The following ZBTB41 variants were observed in gnomAD, a reference collection of about 807,000 sequenced individuals.
The protein encoded by ZBTB41 is zinc finger and BTB domain-containing protein 41.
In ZBTB41, 42 loss-of-function variants were observed where a neutral mutation model predicts 87.6. The observed-to-expected ratio is 0.48, with a 90% CI of 0.37 to 0.62. ZBTB41 has a LOEUF of 0.62. ZBTB41 is among the 20% of genes least tolerant of loss of function. ZBTB41 has a pLI of 0.00. For synonymous variants in ZBTB41, 364 were observed against 364.0 expected, an observed-to-expected ratio of 1.00 and a Z score of 0.00; for missense variants, 799 against 1,078.9, an observed-to-expected ratio of 0.74 and a Z score of 3.63.
At chr1:197,160,435 G>T (rs564351908) in intron 10 of ZBTB41, among the ~76,000 whole-genome samples, 1 of 152,028 alleles carries the variant, frequency 6.6e-6, no homozygotes, top group Non-Finnish European at 1.5e-5. Flanking sequence ...CCTCAAAAAG[G>T]TTAAACCAAA....
At chr1:197,188,269 T>G (rs1203292452) in intron 5 of ZBTB41, 23 bp downstream of exon 5, 4 of 1,610,778 alleles carry the variant, frequency 2.5e-6, no homozygotes, top group Non-Finnish European at 3.4e-6. Flanking sequence ...CATGACTGCC[T>G]TAAGAAAAAG....
At position 197,198,700 on chromosome 1, in the gene ZBTB41, T is replaced by C. The variant is rs1316481641; in HGVS notation, c.1120+654A>G. Among the ~76,000 whole-genome samples the C allele has an allele frequency of 2.6e-5, 4 of 152,266 alleles. No homozygotes were observed. In the East Asian group the frequency reaches 7.7e-4, roughly 29 times the overall value. On this transcript the variant is annotated intron_variant, in intron 2 of 10. Transcript: ENST00000367405. ...AAGTGATAGACTACATTTCCTCAAATTCTTTTCTAAAAGAAAAAAAGTTGA... is the reference window on the plus strand; with the variant it reads ...AAGTGATAGACTACATTTCCTCAAACTCTTTTCTAAAAGAAAAAAAGTTGA...
intron 2 of ZBTB41, among the ~76,000 whole-genome samples, chr1:197,198,859 T>C (rs2125144050): frequency 6.6e-6 from 1 of 152,278 alleles, no homozygotes; most frequent in East Asian, 1.9e-4. Context: ...TTCATTTCAA[T>C]TTTATCCTTC....
In ZBTB41 at chr1:197,175,149, T is replaced by C. The variant is rs373502226; in HGVS notation, c.1880-34A>G. The stretch of plus-strand genomic sequence containing the variant: ...AAAGACCCAAATATTTTCATTATAA[T>C]ATACATCTCAGGTTTTTATCCCCAG... On this transcript the variant is annotated intron_variant, in intron 8 of 10. Transcript: ENST00000367405. 68 of 1,557,782 alleles carry C rather than the reference T, an allele frequency of 4.4e-5. No individual in the cohort carries two copies. In the South Asian group the frequency reaches 5.1e-4, roughly 12 times the overall value.
chr1:197,200,947 G>A (rs1037378363), intron 1 of ZBTB41, among the ~76,000 whole-genome samples: 1 of 152,190 alleles, frequency 6.6e-6, no homozygotes, highest in East Asian at 1.9e-4. Flanking sequence ...TAAGGCCGTG[G>A]CGGCCGCGAG....
In ZBTB41 at chr1:197,201,242, C is replaced by G. The variant is rs1445181085; in HGVS notation, c.-137G>C. ...CATTACCGGGAACCCAAGGCTCCCC[C>G]GCTGGCTCCCAGCAGCTGAGCTCCA... is the stretch of plus-strand genomic sequence containing the variant. On this transcript the variant is annotated 5_prime_UTR_variant, in exon 1 of 11. Coordinates refer to ENST00000367405, the MANE Select transcript of ZBTB41 (RefSeq NM_194314.3). Among the ~76,000 whole-genome samples, 1 of 152,244 alleles carries G rather than the reference C, an allele frequency of 6.6e-6. No homozygotes were observed. The highest frequency in any genetic ancestry group is 1.5e-5 in the Non-Finnish European group (1 of 68,046).
chr1:197,194,618 G>GAAAAAAA (rs71131750), intron 2 of ZBTB41, among the ~76,000 whole-genome samples: 12 of 135,622 alleles, frequency 8.8e-5, no homozygotes, highest in Non-Finnish European at 1.2e-4. Flanking sequence ...ATTTAAGCAA[G>GAAAAAAA]AAAAAAAAAA....
rs763695908 is a variant in ZBTB41 at position 197,159,825 on chromosome 1, G to C, written c.2264C>G (p.Pro755Arg). ...HVHEIKSPDDPLSTSEEKLVS... is the reference protein window; with the variant it reads ...HVHEIKSPDDRLSTSEEKLVS... ...AAGTTTTTCCTCAGAAGTACTGAGA[G>C]GATCATCAGGAGATTTTATTTCATG... Residue 755 changes from proline to arginine, a missense_variant, in exon 11 of 11, where the codon CCT becomes CGT. Around this residue, in one of 5 missense-constraint regions of ZBTB41, gnomAD observed 171 missense variants for 191.9 expected, o/e 0.89. Coordinates refer to ENST00000367405, the MANE Select transcript of ZBTB41 (RefSeq NM_194314.3). 1.7e-5 allele frequency: 28 copies of C among 1,613,878 alleles called. No individual in the cohort carries two copies. Among genetic ancestry groups the C allele is most frequent in the Non-Finnish European group, 2.3e-5 (27 of 1,179,904 alleles).
rs201676275 is a variant in ZBTB41 at position 197,159,378 on chromosome 1, G to T, written c.2711C>A (p.Thr904Lys). The T allele has an allele frequency of 6.2e-7, 1 of 1,613,518 alleles. No homozygotes were observed. The highest frequency in any genetic ancestry group is 8.5e-7 in the Non-Finnish European group (1 of 1,179,558). The change falls in exon 11 of 11, where the codon ACG (threonine) becomes AAG (lysine). Residue 904 changes from threonine to lysine, a missense_variant. By Grantham distance (78) the Thr-to-Lys change is moderately conservative. This residue lies in a region of ZBTB41 where 171 missense variants were observed against 191.9 expected (regional missense o/e 0.89). Transcript: ENST00000367405. ...DSTTGVQNIS[T>K]NEHHS ...ATTTACTCATGAATGATGCTCATTC[G>T]TAGAAATATTTTGAACACCAGTAGT...
chr1:197,191,543 G>T, intron 3 of ZBTB41, 149 bp downstream of exon 3: 1 of 535,602 alleles, frequency 1.9e-6, no homozygotes, highest in Non-Finnish European at 2.9e-6. Flanking sequence ...CAAAACCCAA[G>T]AAAGAAAACA....
rs1557971700 is a variant in ZBTB41 at position 197,156,204 on chromosome 1, C to CG, written c.*3154_*3155insC. On this transcript the variant is annotated 3_prime_UTR_variant, in exon 11 of 11. Coordinates refer to ENST00000367405, the MANE Select transcript of ZBTB41 (RefSeq NM_194314.3). ...TCAATCTCAGTATTCAAACTAACAACTTTTTTTTTTTAAAAAAATCCATTA... is the reference window on the plus strand; with the variant it reads ...TCAATCTCAGTATTCAAACTAACAACGTTTTTTTTTTTAAAAAAATCCATTA... 7.5e-6 allele frequency: 1 copy of CG among 133,418 alleles called. No individual in the cohort carries two copies. Among genetic ancestry groups the CG allele is most frequent in the Non-Finnish European group, 1.8e-5 (1 of 55,768 alleles). 8.3% of individuals were successfully genotyped at this position (133,418 alleles called of 1,614,324 possible). A position where few individuals can be genotyped will look rare whatever the true frequency, so the allele number is the denominator to read the frequency against.
rs2125120632 is a variant in ZBTB41 at position 197,157,479 on chromosome 1, G to A, written c.*1880C>T. The A allele has an allele frequency of 6.6e-6, 1 of 151,806 alleles. No individual in the cohort carries two copies. The highest frequency in any genetic ancestry group is 1.9e-4 in the East Asian group (1 of 5,172). 9.4% of individuals were successfully genotyped at this position (151,806 alleles called of 1,614,324 possible). A position where few individuals can be genotyped will look rare whatever the true frequency, so the allele number is the denominator to read the frequency against. ...TTTATGATGAAAATCATAAAGATAT[G>A]TATTTTTAAAAGTCAATTTGAAAGA... On this transcript the variant is annotated 3_prime_UTR_variant, in exon 11 of 11. Transcript: ENST00000367405.
At position 197,180,390 on chromosome 1, in the gene ZBTB41, C is replaced by T. The variant is rs188508728; in HGVS notation, c.1676+598G>A. 7.2e-5 allele frequency among the ~76,000 whole-genome samples: 11 copies of T among 152,166 alleles called. No homozygotes were observed. In the East Asian group the frequency reaches 1.9e-3, roughly 27 times the overall value. On this transcript the variant is annotated intron_variant, in intron 6 of 10. Coordinates refer to ENST00000367405, the MANE Select transcript of ZBTB41 (RefSeq NM_194314.3). Reference sequence around the variant, plus strand: ...CTCCGAACATAGCACTATCATTAAGCGGCGCATGACTGTACTTGGTTTGTA... The same window carrying T: ...CTCCGAACATAGCACTATCATTAAGTGGCGCATGACTGTACTTGGTTTGTA...
chr1:197,197,328 G>GATAGAT (rs1364040468), intron 2 of ZBTB41, among the ~76,000 whole-genome samples: 1 of 151,894 alleles, frequency 6.6e-6, no homozygotes, highest in Non-Finnish European at 1.5e-5. Context: ...ATAAGATATA[G>GATAGAT]ATAGATATAG....
At chr1:197,191,456 C>CAAAAAAAAA (rs537220441) in intron 3 of ZBTB41, among the ~76,000 whole-genome samples, 1 of 85,330 alleles carries the variant, frequency 1.2e-5, no homozygotes. Context: ...AGCCCTACTT[C>CAAAAAAAAA]AAAAAAAAAA....
chr1:197,180,869 C>A (rs1659729026), intron 6 of ZBTB41, 119 bp downstream of exon 6: 2 of 1,145,112 alleles, frequency 1.7e-6, no homozygotes, highest in South Asian at 2.0e-5. Context: ...ATATTTCAAA[C>A]TAAAGCACAA....
At position 197,159,200 on chromosome 1, in the gene ZBTB41, T is replaced by C; in HGVS notation, c.*159A>G. 1.5e-6 allele frequency: 1 copy of C among 677,860 alleles called. No individual in the cohort carries two copies. The highest frequency in any genetic ancestry group is 2.4e-6 in the Non-Finnish European group (1 of 417,318). 42.0% of individuals were successfully genotyped at this position (677,860 alleles called of 1,614,324 possible). A position where few individuals can be genotyped will look rare whatever the true frequency, so the allele number is the denominator to read the frequency against. On this transcript the variant is annotated 3_prime_UTR_variant, in exon 11 of 11. Coordinates refer to ENST00000367405, the MANE Select transcript of ZBTB41 (RefSeq NM_194314.3). ...CAGAAATTTTGTCCAAATATTCATG[T>C]TCAGTAAACAGAGACACATAGTTTT...
chr1:197,157,266 C>G lies in ZBTB41; in HGVS notation c.*2093G>C, dbSNP rs1659087470. On this transcript the variant is annotated 3_prime_UTR_variant, in exon 11 of 11. Coordinates refer to ENST00000367405, the MANE Select transcript of ZBTB41 (RefSeq NM_194314.3). ...AAGTATTCTTTTCAATGTGAAAATG[C>G]AGTATCTTCTTTTTCTGCCACCAAA... The G allele has an allele frequency of 6.6e-6, 1 of 151,876 alleles. No individual in the cohort carries two copies. The highest frequency in any genetic ancestry group is 1.9e-4 in the East Asian group (1 of 5,192). 9.4% of individuals were successfully genotyped at this position (151,876 alleles called of 1,614,324 possible).
rs555000203 is a variant in ZBTB41, at chr1:197,155,066, G to A, written c.*4293C>T. 1 of 152,170 alleles carries A rather than the reference G, an allele frequency of 6.6e-6. No homozygotes were observed. The highest frequency in any genetic ancestry group is 1.5e-5 in the Non-Finnish European group (1 of 67,826). 9.4% of individuals were successfully genotyped at this position (152,170 alleles called of 1,614,324 possible). On this transcript the variant is annotated 3_prime_UTR_variant, in exon 11 of 11. Coordinates refer to ENST00000367405, the MANE Select transcript of ZBTB41 (RefSeq NM_194314.3). ...ACTGAAATAAGGTCATTCAGTGCAG[G>A]GCTGTGTAGTTATGGTTACTGGTTA...
Sources: allele counts gnomAD v4.1 joint callset (sites outside exome capture counted in the v4.1 genomes callset), GRCh38; gene constraint gnomAD v4.1.1; regional missense constraint gnomAD v4.1.1; transcripts MANE v1.5; gene names NCBI Gene and HGNC (gene_info 2026-07-23, HGNC 2026-07-21).